MARS1: variants seen among roughly 807,000 people sequenced by gnomAD.
The protein encoded by MARS1 is methionyl-tRNA synthetase 1.
In MARS1, 80 loss-of-function variants were observed where a neutral mutation model predicts 119.5. The observed-to-expected ratio is 0.67, with a 90% CI of 0.56 to 0.81. MARS1 has a LOEUF of 0.81. Ranked by LOEUF, MARS1 falls within the 30% of genes least tolerant of loss-of-function variation. MARS1 has a pLI of 0.00. For missense variants in MARS1, 945 were observed against 1,116.5 expected (o/e 0.85, Z 2.19); for synonymous variants, 418 against 433.4 (o/e 0.96, Z 0.44).
chr12:57,500,250 G>C, intron 9 of MARS1, 71 bp from the exon 10 acceptor site: 3 of 1,276,892 alleles, frequency 2.3e-6, no homozygotes, highest in Non-Finnish European at 3.4e-6. Flanking sequence ...GTCCCTGGTT[G>C]GAGTGGCAGG....
At chr12:57,510,679 C>A (rs1877468368) in intron 11 of MARS1, among the ~76,000 whole-genome samples, 1 of 151,384 alleles carries the variant, frequency 6.6e-6, no homozygotes. Context: ...GCCTGTAATT[C>A]CAGCACTTTG....
chr12:57,488,180 C>T lies in MARS1; in HGVS notation c.90C>T (p.Ile30=), dbSNP rs1875593012. The part of the protein sequence containing the change: ...GRARGRAEVL[I]STVGPEDCVV... ...CCCGGGGCAGAGCAGAGGTGCTCAT[C>T]AGCACTGTAGGCCCGGAAGGTACTC... is the stretch of plus-strand genomic sequence containing the variant. The change falls in exon 1 of 21, where the codon ATC becomes ATT. Residue 30 remains isoleucine, a synonymous_variant. Transcript: ENST00000262027. 6.2e-7 allele frequency: 1 copy of T among 1,613,952 alleles called. No individual in the cohort carries two copies.
At chr12:57,514,044 CAG>C (rs1325823371) in intron 15 of MARS1, among the ~76,000 whole-genome samples, 1 of 102,036 alleles carries the variant, frequency 9.8e-6, no homozygotes, top group African/African-American at 3.9e-5. Context: ...GCCTGGGCAA[CAG>C]AGTGAGAATC....
In MARS1 at chr12:57,504,247, G is replaced by GCC; in HGVS notation, c.1316_1317insCC (p.Ser440HisfsTer57). 6.2e-7 allele frequency: 1 copy of GCC among 1,614,096 alleles called. No homozygotes were observed. ...CAGAAGCCTCAGTGTAAAGTCTGCC[G>GCC]ATCATGCCCTGTGGTGCAGTCGAGC... On this transcript the variant is annotated frameshift_variant, in exon 11 of 21. Coordinates refer to ENST00000262027, the MANE Select transcript of MARS1 (RefSeq NM_004990.4). LOFTEE classifies it high-confidence loss of function.
intron 11 of MARS1, among the ~76,000 whole-genome samples, chr12:57,505,512 GA>G (rs112710318): frequency 2.9e-4 from 43 of 146,168 alleles, no homozygotes; most frequent in Admixed American, 1.1e-3. Context: ...TGGGCTTGGA[GA>G]AAAAAAAAAA....
intron 10 of MARS1, among the ~76,000 whole-genome samples, chr12:57,502,334 C>G (rs1359884838): frequency 6.6e-6 from 1 of 152,034 alleles, no homozygotes; most frequent in Admixed American, 6.6e-5. Context: ...GTCAGGTAGA[C>G]AGTTGGATAT....
intron 7 of MARS1, among the ~76,000 whole-genome samples, chr12:57,493,339 G>GTTATATAATATATA (rs1287105517): frequency 2.3e-5 from 2 of 86,098 alleles, no homozygotes; most frequent in Non-Finnish European, 4.2e-5. Context: ...TATAATATAT[G>GTTATATAATATATA]TTATATAATA....
chr12:57,488,495 T>C, intron 1 of MARS1: 1 of 1,401,124 alleles, frequency 7.1e-7, no homozygotes, highest in South Asian at 1.2e-5. Context: ...CCTACACCTA[T>C]CAGGCATCCC....
chr12:57,493,061 T>C (rs1239808952), intron 7 of MARS1, among the ~76,000 whole-genome samples: 1 of 151,702 alleles, frequency 6.6e-6, no homozygotes, highest in African/African-American at 2.4e-5. Context: ...TCCTTCTCTA[T>C]AGAGTGTGAG....
At chr12:57,502,475 G>C (rs375294333) in intron 10 of MARS1, among the ~76,000 whole-genome samples, 1 of 152,164 alleles carries the variant, frequency 6.6e-6, no homozygotes. Flanking sequence ...GGGAAGCTGA[G>C]GCGGCCGGAT....
At position 57,512,740 on chromosome 12, in the gene MARS1, C is replaced by T. The variant is rs1877582119; in HGVS notation, c.1754-11C>T. On this transcript the variant is annotated splice_polypyrimidine_tract_variant and intron_variant, in intron 14 of 20. Coordinates refer to ENST00000262027, the MANE Select transcript of MARS1 (RefSeq NM_004990.4). ...TGAGCAGATGGTTCTCACTCATTCT[C>T]CTCTGTCCAGAGTACCTGAACTATG... 10 of 1,606,364 alleles carry T rather than the reference C, an allele frequency of 6.2e-6. No homozygotes were observed. The highest frequency in any genetic ancestry group is 5.0e-5 in the Admixed American group (3 of 59,992).
At chr12:57,492,951 T>C (rs931036425) in intron 7 of MARS1, among the ~76,000 whole-genome samples, 3 of 152,046 alleles carry the variant, frequency 2.0e-5, no homozygotes, top group Non-Finnish European at 4.4e-5. Context: ...CCATTGTCTC[T>C]CACCTCTGTG....
At chr12:57,512,715 T>G in intron 14 of MARS1, 36 bp from the exon 15 acceptor site, 1 of 1,500,926 alleles carries the variant, frequency 6.7e-7, no homozygotes, top group Non-Finnish European at 9.3e-7. Flanking sequence ...GGATGTGATG[T>G]GAGCAGATGG....
At position 57,515,994 on chromosome 12, in the gene MARS1, G is replaced by A; in HGVS notation, c.2463+3G>A. ...GGCAGCGCTTTGGAGGGGGCCAGGTGAGAAAGCTAAAGGCTGTGCCCTCGC... is the reference window on the plus strand; with the variant it reads ...GGCAGCGCTTTGGAGGGGGCCAGGTAAGAAAGCTAAAGGCTGTGCCCTCGC... On this transcript the variant is annotated splice_donor_region_variant and intron_variant, in intron 19 of 20. Coordinates refer to ENST00000262027, the MANE Select transcript of MARS1 (RefSeq NM_004990.4). 1 of 1,614,172 alleles carries A rather than the reference G, an allele frequency of 6.2e-7. No homozygotes were observed. Among genetic ancestry groups the A allele is most frequent in the African/African-American group, 1.3e-5 (1 of 75,052 alleles).
rs1565653330 is a variant in MARS1, at chr12:57,516,461, A to C, written c.2583A>C (p.Ala861=). The C allele has an allele frequency of 6.2e-7, 1 of 1,613,602 alleles. No individual in the cohort carries two copies. Residue 861 remains alanine (A), a synonymous_variant, in exon 21 of 21, where the codon GCA becomes GCC. Transcript: ENST00000262027. ...GAAACATTGTCCGAGAACTGAAAGCACAAAAGGCAGACAAGAACGAGGTTG... is the reference window on the plus strand; with the variant it reads ...GAAACATTGTCCGAGAACTGAAAGCCCAAAAGGCAGACAAGAACGAGGTTG... ...KQGNIVRELK[A]QKADKNEVAA... is the part of the protein sequence containing the mutation.
rs371009106 is a variant in MARS1, at chr12:57,515,812, C to T, written c.2392-108C>T. ...GCAGATATTAGCTCAGTGTTAAGCT[C>T]GTTCTTTCTAAAACACATCAGAGAT... On this transcript the variant is annotated intron_variant, in intron 18 of 20. Coordinates refer to ENST00000262027, the MANE Select transcript of MARS1 (RefSeq NM_004990.4). 10 of 817,106 alleles carry T rather than the reference C, an allele frequency of 1.2e-5. No homozygotes were observed. In the African/African-American group the frequency reaches 1.4e-4, roughly 11 times the overall value. 50.6% of individuals were successfully genotyped at this position (817,106 alleles called of 1,614,324 possible). A position where few individuals can be genotyped will look rare whatever the true frequency, so the allele number is the denominator to read the frequency against.
rs1341950113 is a variant in MARS1, at chr12:57,489,803, CAT to C, written c.415-89_415-88del. On this transcript the variant is annotated intron_variant, in intron 4 of 20. Coordinates refer to ENST00000262027, the MANE Select transcript of MARS1 (RefSeq NM_004990.4). ...ATAAAGTGCTTAATACAGTGCTTGA[CAT>C]ATAAAGTGCTCAGTAAATGTTAGAT... is the stretch of plus-strand genomic sequence containing the variant. The C allele has an allele frequency of 5.8e-6, 7 of 1,209,468 alleles. No individual in the cohort carries two copies. The African/African-American group carries it at 9.0e-5, about 15-fold the overall frequency. 74.9% of individuals were successfully genotyped at this position (1,209,468 alleles called of 1,614,324 possible).
At chr12:57,495,725 G>T (rs1220093717) in intron 7 of MARS1, among the ~76,000 whole-genome samples, 1 of 152,234 alleles carries the variant, frequency 6.6e-6, no homozygotes, top group Non-Finnish European at 1.5e-5. Context: ...AGCACTGAGT[G>T]AGCGAGACTC....
chr12:57,510,760 G>C (rs1234405224), intron 11 of MARS1, among the ~76,000 whole-genome samples: 1 of 151,890 alleles, frequency 6.6e-6, no homozygotes, highest in Admixed American at 6.6e-5. Flanking sequence ...GCAAGACCCT[G>C]TCTGTATTTA....
Sources: allele counts gnomAD v4.1 joint callset (sites outside exome capture counted in the v4.1 genomes callset), GRCh38; gene constraint gnomAD v4.1.1; transcripts MANE v1.5; gene names NCBI Gene and HGNC (gene_info 2026-07-23, HGNC 2026-07-21).